The following SGK3 variants were observed in gnomAD, a reference collection of about 807,000 sequenced individuals.
SGK3 encodes the protein serine/threonine-protein kinase Sgk3.
SGK3 carries 47 observed loss-of-function variants against 68.5 expected under a neutral mutation model. That is an observed-to-expected ratio of 0.69 (90% CI 0.54 to 0.87). The LOEUF (loss-of-function observed/expected upper bound fraction) is 0.87, where lower values mean the gene tolerates loss of function less well. Among genes scored for constraint, SGK3 ranks in the 40% least tolerant of loss-of-function variants. The pLI is 0.00. For synonymous variants in SGK3, 181 were observed against 189.1 expected, an observed-to-expected ratio of 0.96 and a Z score of 0.35; for missense variants, 479 against 575.5, an observed-to-expected ratio of 0.83 and a Z score of 1.72.
At chr8:66,813,113 G>A (rs1180550247) in intron 4 of SGK3, among the ~76,000 whole-genome samples, 3 of 152,064 alleles carry the variant, frequency 2.0e-5, no homozygotes, top group Non-Finnish European at 4.4e-5. Flanking sequence ...AATTAGCCAG[G>A]CATGGTGGTG....
chr8:66,780,567 A>G (rs987955622), intron 1 of SGK3, among the ~76,000 whole-genome samples: 1 of 152,230 alleles, frequency 6.6e-6, no homozygotes, highest in Admixed American at 6.5e-5. Context: ...AGAGTGTCCC[A>G]GACAGAGGGG....
chr8:66,769,240 T>C (rs961566312), intron 1 of SGK3, among the ~76,000 whole-genome samples: 3 of 152,190 alleles, frequency 2.0e-5, no homozygotes, highest in Admixed American at 6.5e-5. Context: ...TCTTTTTTTT[T>C]TGAAACAGAG....
chr8:66,838,837 A>T (rs905108624), intron 10 of SGK3, among the ~76,000 whole-genome samples: 2 of 152,196 alleles, frequency 1.3e-5, no homozygotes, highest in African/African-American at 4.8e-5. Flanking sequence ...CCCAGTGTTC[A>T]TACTTAAAAA....
At chr8:66,727,009 A>T (rs1039799108) in intron 1 of SGK3, among the ~76,000 whole-genome samples, 1 of 152,098 alleles carries the variant, frequency 6.6e-6, no homozygotes, top group African/African-American at 2.4e-5. Flanking sequence ...ATATTAATCC[A>T]TGGAAATAGA....
intron 6 of SGK3, among the ~76,000 whole-genome samples, chr8:66,823,327 T>C (rs1338905416): frequency 6.6e-6 from 1 of 152,146 alleles, no homozygotes; most frequent in Non-Finnish European, 1.5e-5. Flanking sequence ...CAACTAACTT[T>C]TATTTCTGTG....
chr8:66,780,800 G>C (rs1344142173), intron 1 of SGK3, among the ~76,000 whole-genome samples: 1 of 152,180 alleles, frequency 6.6e-6, no homozygotes, highest in Non-Finnish European at 1.5e-5. Flanking sequence ...CGTGGAAAGG[G>C]GGTTAAGCAA....
chr8:66,758,250 AG>A (rs1376257484), intron 1 of SGK3, among the ~76,000 whole-genome samples: 1 of 151,930 alleles, frequency 6.6e-6, no homozygotes, highest in East Asian at 1.9e-4. Context: ...GCTACTTGGG[AG>A]GCTGAGACAT....
At chr8:66,738,033 A>T (rs1805374314) in intron 1 of SGK3, among the ~76,000 whole-genome samples, 2 of 152,004 alleles carry the variant, frequency 1.3e-5, no homozygotes, top group South Asian at 4.1e-4. Context: ...AAAACAAAAT[A>T]TATTGTCTCT....
chr8:66,724,082 A>C (rs1804903424), intron 1 of SGK3, among the ~76,000 whole-genome samples: 1 of 152,112 alleles, frequency 6.6e-6, no homozygotes, highest in African/African-American at 2.4e-5. Flanking sequence ...ATTTATTTCT[A>C]GTCTTCCTTT....
At chr8:66,729,588 T>C (rs1182088292) in intron 1 of SGK3, among the ~76,000 whole-genome samples, 1 of 152,228 alleles carries the variant, frequency 6.6e-6, no homozygotes, top group Non-Finnish European at 1.5e-5. Flanking sequence ...CTATGAATAT[T>C]TTTGAGTATT....
At chr8:66,809,743 T>G (rs1342748293) in intron 4 of SGK3, among the ~76,000 whole-genome samples, 2 of 152,226 alleles carry the variant, frequency 1.3e-5, no homozygotes, top group African/African-American at 4.8e-5. Flanking sequence ...ATGATAGAAC[T>G]GGAAAATCCT....
At chr8:66,740,904 C>CT (rs1165909557) in intron 1 of SGK3, among the ~76,000 whole-genome samples, 1 of 103,500 alleles carries the variant, frequency 9.7e-6, no homozygotes, top group Non-Finnish European at 1.8e-5. Context: ...GAGACTCTGT[C>CT]TCAAAAAAAA....
chr8:66,743,610 C>T (rs1805543930), intron 1 of SGK3, among the ~76,000 whole-genome samples: 1 of 152,236 alleles, frequency 6.6e-6, no homozygotes, highest in South Asian at 2.1e-4. Context: ...CAACTTCTGC[C>T]TCCCAGGTTC....
At chr8:66,821,800 C>T (rs1263987796) in intron 5 of SGK3, among the ~76,000 whole-genome samples, 1 of 150,430 alleles carries the variant, frequency 6.6e-6, no homozygotes, top group Non-Finnish European at 1.5e-5. Flanking sequence ...GCTGGGATTA[C>T]AGGCGTGAGC....
chr8:66,799,398 A>C (rs1807835042), intron 3 of SGK3, among the ~76,000 whole-genome samples: 1 of 152,236 alleles, frequency 6.6e-6, no homozygotes. Flanking sequence ...ACCATCTAAA[A>C]AAATAAAGGC....
chr8:66,816,101 G>A (rs1046280560), intron 5 of SGK3, among the ~76,000 whole-genome samples: 4 of 151,912 alleles, frequency 2.6e-5, no homozygotes, highest in African/African-American at 9.7e-5. Context: ...CTGGGTTCAT[G>A]CCAGTCTCCT....
chr8:66,744,519 A>ATT (rs55684607), intron 1 of SGK3, among the ~76,000 whole-genome samples: 42 of 21,262 alleles, frequency 2.0e-3, no homozygotes, highest in African/African-American at 2.7e-3. Context: ...ATATATATAT[A>ATT]TTTTTTTTTT....
At chr8:66,738,500 A>G (rs868524426) in intron 1 of SGK3, among the ~76,000 whole-genome samples, 9 of 152,086 alleles carry the variant, frequency 5.9e-5, no homozygotes, top group African/African-American at 1.7e-4. Context: ...CTGCTTATCT[A>G]CTGGCATTCC....
intron 1 of SGK3, among the ~76,000 whole-genome samples, chr8:66,732,572 C>T (rs934276506): frequency 6.6e-6 from 1 of 152,112 alleles, no homozygotes; most frequent in South Asian, 2.1e-4. Flanking sequence ...TGTCTGGGCA[C>T]GGTGGCTCAT....
Sources: gnomAD v4.1 joint callset for allele counts (sites outside exome capture counted in the v4.1 genomes callset) on GRCh38, gnomAD v4.1.1 for gene constraint, MANE v1.5 for transcripts, NCBI Gene and HGNC (gene_info 2026-07-23, HGNC 2026-07-21) for gene names.